Variants in CREB5 observed in about 807,000 individuals in gnomAD.
CREB5 encodes cyclic AMP-responsive element-binding protein 5.
Under a neutral mutation model 57.1 loss-of-function variants are expected in CREB5, and 19 were observed. The observed-to-expected ratio is 0.33, with a 90% CI of 0.23 to 0.49. The LOEUF (loss-of-function observed/expected upper bound fraction) is 0.49, where lower values mean the gene tolerates loss of function less well. Among genes scored for constraint, CREB5 ranks in the 20% least tolerant of loss-of-function variants. The probability of loss-of-function intolerance (pLI) is 0.99; values close to 1 mark genes in which losing one functional copy is unlikely to be tolerated. For synonymous variants in CREB5, 238 were observed against 238.3 expected, an observed-to-expected ratio of 1.00 and a Z score of 0.01; for missense variants, 579 against 671.6, an observed-to-expected ratio of 0.86 and a Z score of 1.52.
intron 1 of CREB5, among the ~76,000 whole-genome samples, chr7:28,343,602 A>C (rs1270497320): frequency 1.3e-5 from 2 of 152,120 alleles, no homozygotes; most frequent in Non-Finnish European, 2.9e-5. Context: ...CATATACCAC[A>C]TTTTCTTTAT....
chr7:28,546,304 T>G (rs1794421833), intron 4 of CREB5, among the ~76,000 whole-genome samples: 1 of 152,254 alleles, frequency 6.6e-6, no homozygotes, highest in South Asian at 2.1e-4. Flanking sequence ...AATGGACATT[T>G]GGGTTGTTTC....
intron 1 of CREB5, among the ~76,000 whole-genome samples, chr7:28,381,613 C>A (rs1237334404): frequency 6.6e-6 from 1 of 152,226 alleles, no homozygotes. Flanking sequence ...CCAGAAAACA[C>A]ATTCCTCTGC....
intron 4 of CREB5, among the ~76,000 whole-genome samples, chr7:28,535,164 C>G (rs1297941695): frequency 7.0e-6 from 1 of 141,890 alleles, no homozygotes; most frequent in Non-Finnish European, 1.6e-5. Context: ...GGCAGCCTTA[C>G]AAGGAAGGCT....
chr7:28,512,732 C>G lies in CREB5; in HGVS notation c.291+4995C>G, dbSNP rs1447008123. 4.0e-5 allele frequency among the ~76,000 whole-genome samples: 6 copies of G among 151,886 alleles called. No individual in the cohort carries two copies. In the East Asian group the frequency reaches 5.8e-4, roughly 15 times the overall value. ...ACTAGAAATGAACTCCTTTGTCCTGCTAAGAGAAACATAACATTACAGCCT... is the reference window on the plus strand; with the variant it reads ...ACTAGAAATGAACTCCTTTGTCCTGGTAAGAGAAACATAACATTACAGCCT... On this transcript the variant is annotated intron_variant, in intron 4 of 10. Transcript: ENST00000357727.
chr7:28,810,580 C>A (rs1375408838), intron 9 of CREB5, among the ~76,000 whole-genome samples: 1 of 152,124 alleles, frequency 6.6e-6, no homozygotes, highest in Non-Finnish European at 1.5e-5. Flanking sequence ...CCTGTAGTCC[C>A]AGCTACTCAG....
rs531229303 is a variant in CREB5, at chr7:28,343,663, C to T, written c.-25+44222C>T. On this transcript the variant is annotated intron_variant, in intron 1 of 9. Coordinates refer to the CREB5 transcript ENST00000396299. ...GGTTGATTTCATATCTTGGCTATTG[C>T]GCAATAAACATGGGCATGCAGGTAT... is the stretch of plus-strand genomic sequence containing the variant. Among the ~76,000 whole-genome samples, 164 of 152,212 alleles carry T rather than the reference C, an allele frequency of 1.1e-3. 2 individuals are homozygous for T. The highest frequency in any genetic ancestry group is 2.7e-3 in the South Asian group (13 of 4,820).
intron 1 of CREB5, among the ~76,000 whole-genome samples, chr7:28,486,512 G>A (rs1197985957): frequency 4.0e-5 from 6 of 150,824 alleles, no homozygotes; most frequent in African/African-American, 1.5e-4. Flanking sequence ...GTGCACAGTA[G>A]AAGTAGTAGG....
chr7:28,451,945 C>A (rs978832809), intron 1 of CREB5, among the ~76,000 whole-genome samples: 1 of 152,134 alleles, frequency 6.6e-6, no homozygotes, highest in Non-Finnish European at 1.5e-5. Flanking sequence ...ATATTGACAA[C>A]AATGGAAGTT....
At chr7:28,626,573 C>T (rs1399416405) in intron 5 of CREB5, among the ~76,000 whole-genome samples, 1 of 152,198 alleles carries the variant, frequency 6.6e-6, no homozygotes, top group Non-Finnish European at 1.5e-5. Flanking sequence ...GATCTGCTCT[C>T]TTAACCCCTC....
At chr7:28,725,382 C>A (rs879402594) in intron 7 of CREB5, among the ~76,000 whole-genome samples, 1 of 152,182 alleles carries the variant, frequency 6.6e-6, no homozygotes, top group Non-Finnish European at 1.5e-5. Context: ...AGCTTCTTGA[C>A]CCGAGGAATC....
intron 5 of CREB5, among the ~76,000 whole-genome samples, chr7:28,609,677 T>G (rs1263073093): frequency 6.6e-6 from 1 of 152,240 alleles, no homozygotes; most frequent in East Asian, 1.9e-4. Context: ...TTGTTGAGTT[T>G]GATGCACCAG....
At chr7:28,618,702 C>A in intron 5 of CREB5, among the ~76,000 whole-genome samples, 1 of 152,196 alleles carries the variant, frequency 6.6e-6, no homozygotes, top group Non-Finnish European at 1.5e-5. Context: ...GAGGTGGAGG[C>A]CTACTAGGCC....
At chr7:28,696,424 T>C (rs1801565700) in intron 5 of CREB5, among the ~76,000 whole-genome samples, 1 of 152,178 alleles carries the variant, frequency 6.6e-6, no homozygotes, top group Non-Finnish European at 1.5e-5. Context: ...TTTTCTTCAT[T>C]CGTTTCTTCT....
At chr7:28,548,102 G>C (rs1794486043) in intron 4 of CREB5, among the ~76,000 whole-genome samples, 1 of 152,176 alleles carries the variant, frequency 6.6e-6, no homozygotes. Flanking sequence ...TTTGTGACCA[G>C]GTAGGCTTTT....
chr7:28,691,631 A>G (rs992991514), intron 5 of CREB5, among the ~76,000 whole-genome samples: 1 of 152,028 alleles, frequency 6.6e-6, no homozygotes, highest in Non-Finnish European at 1.5e-5. Context: ...GAATTAGACA[A>G]CATCTCTGGG....
chr7:28,343,719 G>A (rs143106103), intron 1 of CREB5, among the ~76,000 whole-genome samples: 1 of 152,208 alleles, frequency 6.6e-6, no homozygotes, highest in African/African-American at 2.4e-5. Flanking sequence ...ATTTCTTTTG[G>A]ATGTATACCC....
At chr7:28,543,865 C>G (rs941151046) in intron 4 of CREB5, among the ~76,000 whole-genome samples, 20 of 151,278 alleles carry the variant, frequency 1.3e-4, no homozygotes, top group Admixed American at 1.2e-3. Context: ...TGCCTGGGGA[C>G]CAGTCACATA....
intron 5 of CREB5, among the ~76,000 whole-genome samples, chr7:28,653,866 G>C (rs1040398858): frequency 1.3e-5 from 2 of 152,212 alleles, no homozygotes; most frequent in Non-Finnish European, 2.9e-5. Flanking sequence ...GGCAAAGCAA[G>C]TACAACTGAT....
intron 5 of CREB5, among the ~76,000 whole-genome samples, chr7:28,621,285 C>T (rs1212257404): frequency 6.6e-6 from 1 of 152,096 alleles, no homozygotes; most frequent in Non-Finnish European, 1.5e-5. Context: ...TGCAGGGTCA[C>T]TGGAAAATGT....
Sources: allele counts gnomAD v4.1 joint callset (sites outside exome capture counted in the v4.1 genomes callset), GRCh38; gene constraint gnomAD v4.1.1; transcripts MANE v1.5; gene names NCBI Gene and HGNC (gene_info 2026-07-23, HGNC 2026-07-21).